Variants in ADAP2 observed in about 807,000 individuals in gnomAD.
The protein encoded by ADAP2 is arf-GAP with dual PH domain-containing protein 2.
ADAP2 carries 42 observed loss-of-function variants against 54.9 expected under a neutral mutation model. The observed-to-expected ratio is 0.77, with a 90% CI of 0.60 to 0.99. The LOEUF is 0.99. Among genes scored for constraint, ADAP2 ranks in the 50% least tolerant of loss-of-function variants. The pLI is 0.00. For missense variants in ADAP2, 429 were observed against 480.4 expected, an observed-to-expected ratio of 0.89 and a Z score of 1.00; for synonymous variants, 177 against 180.1, an observed-to-expected ratio of 0.98 and a Z score of 0.14.
Position 30,935,180 on chromosome 17 carries a change from A to G in ADAP2, c.510+883A>G, listed in dbSNP as rs1911783422. On this transcript the variant is annotated intron_variant, in intron 5 of 10. Coordinates refer to ENST00000330889, the MANE Select transcript of ADAP2 (RefSeq NM_018404.3). ...TCGGGAGTTTGAGACCAGCCTGACC[A>G]ACATGGAGAAACCCCATCTCTACTA... is the stretch of plus-strand genomic sequence containing the variant. Among the ~76,000 whole-genome samples, 3 of 152,160 alleles carry G rather than the reference A, an allele frequency of 2.0e-5. No homozygotes were observed. The South Asian group carries it at 6.2e-4, about 32-fold the overall frequency.
At chr17:30,941,285 GA>G (rs796512051) in intron 5 of ADAP2, among the ~76,000 whole-genome samples, 15 of 152,314 alleles carry the variant, frequency 9.8e-5, no homozygotes, top group African/African-American at 3.4e-4. Context: ...TGAACAAGAT[GA>G]TTTTTTTCAT....
chr17:30,945,448 T>G (rs953128029), intron 6 of ADAP2, among the ~76,000 whole-genome samples: 1 of 152,064 alleles, frequency 6.6e-6, no homozygotes, highest in African/African-American at 2.4e-5. Context: ...CCCAACAGCA[T>G]TGGCATCACC....
chr17:30,951,910 C>T (rs1289246199), intron 7 of ADAP2, among the ~76,000 whole-genome samples: 5 of 152,178 alleles, frequency 3.3e-5, no homozygotes, highest in African/African-American at 1.2e-4. Flanking sequence ...ACGCCTCGGC[C>T]TCCCAAAGTG....
At chr17:30,932,075 C>A (rs1470955845) in intron 4 of ADAP2, 107 bp downstream of exon 4, 5 of 1,043,094 alleles carry the variant, frequency 4.8e-6, no homozygotes, top group African/African-American at 1.6e-5. Flanking sequence ...GCCTGCTGTT[C>A]TCACTGTGGC....
At chr17:30,922,886 T>C in intron 1 of ADAP2, 54 bp from the exon 2 acceptor site, 3 of 1,596,570 alleles carry the variant, frequency 1.9e-6, no homozygotes, top group South Asian at 2.2e-5. Context: ...AGCCCAGCCC[T>C]GGTTTCTTCA....
intron 6 of ADAP2, 130 bp downstream of exon 6, chr17:30,945,183 C>T (rs1912576163): frequency 9.1e-7 from 1 of 1,102,622 alleles, no homozygotes. Flanking sequence ...TACCATTTGC[C>T]TTAATCTATC....
chr17:30,936,264 C>T (rs1274026066), intron 5 of ADAP2, among the ~76,000 whole-genome samples: 1 of 152,112 alleles, frequency 6.6e-6, no homozygotes, highest in Non-Finnish European at 1.5e-5. Context: ...AAGCACTCCT[C>T]CTGCTCCGGT....
At chr17:30,923,192 G>A in intron 2 of ADAP2, 122 bp downstream of exon 2, 2 of 1,140,482 alleles carry the variant, frequency 1.8e-6, no homozygotes, top group Middle Eastern at 1.9e-4. Context: ...TCTAGCTAGA[G>A]GAAACACAGC....
intron 1 of ADAP2, among the ~76,000 whole-genome samples, chr17:30,922,378 C>T (rs1452325957): frequency 1.3e-5 from 2 of 152,178 alleles, no homozygotes; most frequent in African/African-American, 4.8e-5. Context: ...TGGACCCGGA[C>T]ACGAGAGCCG....
intron 4 of ADAP2, among the ~76,000 whole-genome samples, chr17:30,932,905 C>A (rs1911603071): frequency 6.6e-6 from 1 of 152,168 alleles, no homozygotes; most frequent in African/African-American, 2.4e-5. Context: ...GACTCCTCCA[C>A]TGGACAGACC....
At chr17:30,924,840 A>G (rs893332562) in intron 2 of ADAP2, among the ~76,000 whole-genome samples, 1 of 151,630 alleles carries the variant, frequency 6.6e-6, no homozygotes, top group Non-Finnish European at 1.5e-5. Context: ...TGCACCTTAT[A>G]ACTCCCATGT....
At chr17:30,952,835 G>T (rs1264039573) in intron 7 of ADAP2, among the ~76,000 whole-genome samples, 1 of 152,152 alleles carries the variant, frequency 6.6e-6, no homozygotes, top group Non-Finnish European at 1.5e-5. Flanking sequence ...TCAGCTCTTT[G>T]TGCTACCAGT....
chr17:30,930,235 C>G (rs1366665397), intron 3 of ADAP2, among the ~76,000 whole-genome samples: 5 of 151,408 alleles, frequency 3.3e-5, no homozygotes, highest in Non-Finnish European at 7.4e-5. Flanking sequence ...CCATGCCCAG[C>G]TAATTTTTGT....
At chr17:30,934,155 G>A (rs1911698766) in intron 4 of ADAP2, 30 bp from the exon 5 acceptor site, 1 of 1,578,664 alleles carries the variant, frequency 6.3e-7, no homozygotes, top group East Asian at 2.2e-5. Context: ...GGTCACGTGT[G>A]TTCACGCTTT....
intron 6 of ADAP2, among the ~76,000 whole-genome samples, chr17:30,945,619 G>A (rs373483854): frequency 3.3e-5 from 5 of 151,962 alleles, no homozygotes; most frequent in African/African-American, 1.2e-4. Context: ...AGCTAAGCAT[G>A]GTGGCATGCA....
chr17:30,922,031 G>T lies in ADAP2; in HGVS notation c.17G>T (p.Arg6Leu), dbSNP rs1035040192. 7.8e-7 allele frequency: 1 copy of T among 1,276,584 alleles called. No individual in the cohort carries two copies. The highest frequency in any genetic ancestry group is 9.8e-7 in the Non-Finnish European group (1 of 1,016,100). 79.1% of individuals were successfully genotyped at this position (1,276,584 alleles called of 1,614,324 possible). A position where few individuals can be genotyped will look rare whatever the true frequency, so the allele number is the denominator to read the frequency against. Residue 6 changes from arginine to leucine, a missense_variant, in exon 1 of 11, where the codon CGC becomes CTC. By Grantham distance (102) the Arg-to-Leu change is moderately radical (BLOSUM62 -2). Coordinates refer to ENST00000330889, the MANE Select transcript of ADAP2 (RefSeq NM_018404.3). MGDRE[R>L]NKKRLLELLR... is the part of the protein sequence containing the mutation. ...GGGCCGGCCATGGGCGATCGCGAGC[G>T]CAACAAGAAGCGGCTGCTGGAGCTG...
intron 1 of ADAP2, among the ~76,000 whole-genome samples, chr17:30,922,572 C>T (rs1480182810): frequency 1.3e-5 from 2 of 152,154 alleles, no homozygotes; most frequent in Non-Finnish European, 2.9e-5. Flanking sequence ...CTCCCAGACG[C>T]CCCCCGAAGG....
chr17:30,937,621 G>T (rs1911984476), intron 5 of ADAP2, among the ~76,000 whole-genome samples: 1 of 152,212 alleles, frequency 6.6e-6, no homozygotes, highest in South Asian at 2.1e-4. Flanking sequence ...GGAAGCTGTT[G>T]CAATAACCCA....
At chr17:30,926,408 G>T (rs1186750354) in intron 2 of ADAP2, among the ~76,000 whole-genome samples, 1 of 152,186 alleles carries the variant, frequency 6.6e-6, no homozygotes, top group Non-Finnish European at 1.5e-5. Flanking sequence ...TTTCAGGGCT[G>T]CTAGGGGTCC....
Sources: allele counts gnomAD v4.1 joint callset (sites outside exome capture counted in the v4.1 genomes callset), GRCh38; gene constraint gnomAD v4.1.1; transcripts MANE v1.5; gene names NCBI Gene and HGNC (gene_info 2026-07-23, HGNC 2026-07-21).